ESRP2: variants seen among roughly 807,000 people sequenced by gnomAD.
The protein encoded by ESRP2 is epithelial splicing regulatory protein 2, also known as RNA binding motif protein 35A.
A neutral mutation model predicts 78.6 loss-of-function variants in ESRP2; 48 were observed. The observed-to-expected ratio is 0.61, with a 90% CI of 0.48 to 0.78. ESRP2 has a LOEUF of 0.78. ESRP2 is among the 30% of genes least tolerant of loss of function. The probability of loss-of-function intolerance (pLI) is 0.00; values close to 1 mark genes in which losing one functional copy is unlikely to be tolerated. For synonymous variants in ESRP2, 383 were observed against 406.7 expected (o/e 0.94, Z 0.70); for missense variants, 863 against 965.9 (o/e 0.89, Z 1.41).
In ESRP2 at chr16:68,232,218, A is replaced by C. The variant is rs2042151301; in HGVS notation, c.997+28T>G. On this transcript the variant is annotated intron_variant, in intron 9 of 14. Coordinates refer to ENST00000473183, the MANE Select transcript of ESRP2 (RefSeq NM_024939.3). The surrounding 1 kb of genome is among the most constrained non-coding windows in gnomAD (Gnocchi z 5.2). ...AGTGAAATGGATCAAGAACCAGGGG[A>C]GCCAGGCCCTGTTTGCAGTATACTC... 3 of 1,614,044 alleles carry C rather than the reference A, an allele frequency of 1.9e-6. No individual in the cohort carries two copies. The highest frequency in any genetic ancestry group is 2.7e-5 in the African/African-American group (2 of 74,994).
rs758595846 is a variant in ESRP2, at chr16:68,233,795, C to G, written c.529G>C (p.Asp177His). 6.2e-7 allele frequency: 1 copy of G among 1,613,990 alleles called. No homozygotes were observed. The highest frequency in any genetic ancestry group is 1.7e-5 in the Admixed American group (1 of 60,014). Reference protein sequence around the residue: ...MQHPSTCPARDLTVATMAQGL... With the variant: ...MQHPSTCPARHLTVATMAQGL... ...TGTGCCATGGTGGCCACAGTGAGGT[C>G]CCTGGCAGGGCAGGTGCTTGGATGC... is the stretch of plus-strand genomic sequence containing the variant. The change falls in exon 4 of 15, where the codon GAC (aspartate) becomes CAC (histidine). Residue 177 changes from aspartate (D) to histidine (H), a missense_variant. By Grantham distance (81) the Asp-to-His change is moderately conservative (BLOSUM62 -1). Transcript: ENST00000473183.
Position 68,235,763 on chromosome 16 carries a change from C to A in ESRP2, c.199-1G>T. ...CCAGCGATTTGTGCAGCGTCCCCAC[C>A]TGTGAGCGGCGGGGGAAACCGATCA... On this transcript the variant is annotated splice_acceptor_variant, in intron 1 of 14. Coordinates refer to ENST00000473183, the MANE Select transcript of ESRP2 (RefSeq NM_024939.3). LOFTEE classifies it high-confidence loss of function. This position sits in a 1 kb window ranked among gnomAD's most constrained non-coding sequence, Gnocchi z 5.5. 1 of 1,610,204 alleles carries A rather than the reference C, an allele frequency of 6.2e-7. No individual in the cohort carries two copies. The highest frequency in any genetic ancestry group is 8.5e-7 in the Non-Finnish European group (1 of 1,178,958).
chr16:68,235,136 G>A lies in ESRP2; in HGVS notation c.327+498C>T. On this transcript the variant is annotated intron_variant, in intron 2 of 14. Transcript: ENST00000473183. This position sits in a 1 kb window ranked among gnomAD's most constrained non-coding sequence, Gnocchi z 5.5. ...GACAGCGCCCACGCCTGGCCAGCCG[G>A]CCGGGACAGGCCTAGACGAGCAGTT... 1 of 991,438 alleles carries A rather than the reference G, an allele frequency of 1.0e-6. No homozygotes were observed. Among genetic ancestry groups the A allele is most frequent in the Non-Finnish European group, 1.2e-6 (1 of 833,590 alleles). 61.4% of individuals were successfully genotyped at this position (991,438 alleles called of 1,614,324 possible).
rs376539096 is a variant in ESRP2, at chr16:68,230,183, T to G, written c.*43A>C. The G allele has an allele frequency of 3.8e-6, 6 of 1,576,650 alleles. No homozygotes were observed. Among genetic ancestry groups the G allele is most frequent in the Non-Finnish European group, 5.2e-6 (6 of 1,146,230 alleles). ...TCTTCTGGACTCAGGAGAGACATGT[T>G]CGCCGAGGATATCAGCTGGCTCTTA... On this transcript the variant is annotated 3_prime_UTR_variant, in exon 15 of 15. Transcript: ENST00000473183.
Position 68,235,287 on chromosome 16 carries a change from G to A in ESRP2, c.327+347C>T, listed in dbSNP as rs1022265097. ...CTATATGGGCCCCTCGACCCCTTTCGCTTCCGGCTGCGGCTCAGGGAGACC... is the reference window on the plus strand; with the variant it reads ...CTATATGGGCCCCTCGACCCCTTTCACTTCCGGCTGCGGCTCAGGGAGACC... On this transcript the variant is annotated intron_variant, in intron 2 of 14. Coordinates refer to ENST00000473183, the MANE Select transcript of ESRP2 (RefSeq NM_024939.3). The surrounding 1 kb of genome is among the most constrained non-coding windows in gnomAD (Gnocchi z 5.5). 3.0e-6 allele frequency: 3 copies of A among 985,398 alleles called. No homozygotes were observed. In the East Asian group the frequency reaches 3.4e-4, roughly 112 times the overall value. 61.0% of individuals were successfully genotyped at this position (985,398 alleles called of 1,614,324 possible). A position where few individuals can be genotyped will look rare whatever the true frequency, so the allele number is the denominator to read the frequency against.
rs2042224074 is a variant in ESRP2, at chr16:68,236,063, G to T, written c.-18C>A. On this transcript the variant is annotated 5_prime_UTR_variant, in exon 1 of 15. Coordinates refer to ENST00000473183, the MANE Select transcript of ESRP2 (RefSeq NM_024939.3). This position sits in a 1 kb window ranked among gnomAD's most constrained non-coding sequence, Gnocchi z 5.2. ...GGAGTCATGGCCGCAGAGGAAGGGGGCTCTCGGCCAGACACGCGGACCGAC... is the reference window on the plus strand; with the variant it reads ...GGAGTCATGGCCGCAGAGGAAGGGGTCTCTCGGCCAGACACGCGGACCGAC... 10 of 1,410,612 alleles carry T rather than the reference G, an allele frequency of 7.1e-6. No homozygotes were observed. Among genetic ancestry groups the T allele is most frequent in the South Asian group, 4.7e-5 (3 of 63,822 alleles). The allele number at this position is 1,410,612 out of a possible 1,614,324, so 87.4% of individuals were successfully genotyped here.
chr16:68,233,043 AC>A, intron 5 of ESRP2: 1 of 634,694 alleles, frequency 1.6e-6, no homozygotes. Flanking sequence ...TACTAAAAAT[AC>A]AAAAATTAGG....
rs367821854 is a variant in ESRP2, at chr16:68,235,717, G to A, written c.244C>T (p.Leu82=). Residue 82 remains leucine, a synonymous_variant, in exon 2 of 15, where the codon CTG becomes TTG. Coordinates refer to ENST00000473183, the MANE Select transcript of ESRP2 (RefSeq NM_024939.3). This position sits in a 1 kb window ranked among gnomAD's most constrained non-coding sequence, Gnocchi z 5.5. ...CTCGCCTCGCGGCACTGCGTACTCAGTGCGGCCGCCTCGGCACGAACCAGC... is the reference window on the plus strand; with the variant it reads ...CTCGCCTCGCGGCACTGCGTACTCAATGCGGCCGCCTCGGCACGAACCAGC... ...KSLVRAEAAA[L]STQCREASGL... The A allele has an allele frequency of 2.7e-5, 43 of 1,604,960 alleles. No homozygotes were observed. Among genetic ancestry groups the A allele is most frequent in the Non-Finnish European group, 3.2e-5 (38 of 1,178,960 alleles).
Position 68,231,109 on chromosome 16 carries a change from A to G in ESRP2, c.1711+69T>C, listed in dbSNP as rs577951281. 5.5e-4 allele frequency: 875 copies of G among 1,604,396 alleles called. 5 individuals carry two copies. Among genetic ancestry groups the G allele is most frequent in the Middle Eastern group, 3.3e-3 (20 of 6,036 alleles). On this transcript the variant is annotated intron_variant, in intron 12 of 14. Coordinates refer to ENST00000473183, the MANE Select transcript of ESRP2 (RefSeq NM_024939.3). This position sits in a 1 kb window ranked among gnomAD's most constrained non-coding sequence, Gnocchi z 6.0. ...GTAGCCAGAAAGGAGTCCCCGCTAT[A>G]GAAGGTAGGGGCTTACAACAGCCTG...
chr16:68,230,540 G>A lies in ESRP2; in HGVS notation c.1913C>T (p.Pro638Leu). 1 of 1,571,762 alleles carries A rather than the reference G, an allele frequency of 6.4e-7. No homozygotes were observed. The stretch of plus-strand genomic sequence containing the variant: ...TGTAGTGAGGTAGCCCACAGTGGTG[G>A]GGGAGACTGGGGGGCTAGGGTGGGA... Reference protein sequence around the residue: ...TAYYPSPPVSPTTVGYLTTPT... With the variant: ...TAYYPSPPVSLTTVGYLTTPT... The change falls in exon 14 of 15, where the codon CCC becomes CTC. Residue 638 changes from proline to leucine, a missense_variant. By Grantham distance (98) the Pro-to-Leu change is moderately conservative. Transcript: ENST00000473183.
Position 68,233,983 on chromosome 16 carries a change from C to T in ESRP2, c.441+11G>A. On this transcript the variant is annotated intron_variant, in intron 3 of 14. Transcript: ENST00000473183. ...CACCCCACCCCACCCGGTTTTCCTT[C>T]AGGAGCATACCTTCCTGGAGGCCTC... 6.2e-7 allele frequency: 1 copy of T among 1,613,476 alleles called. No individual in the cohort carries two copies. Among genetic ancestry groups the T allele is most frequent in the Non-Finnish European group, 8.5e-7 (1 of 1,179,520 alleles).
chr16:68,230,074 G>T lies in ESRP2; in HGVS notation c.*152C>A. 1 of 677,440 alleles carries T rather than the reference G, an allele frequency of 1.5e-6. No homozygotes were observed. Among genetic ancestry groups the T allele is most frequent in the Non-Finnish European group, 2.6e-6 (1 of 384,778 alleles). 42.0% of individuals were successfully genotyped at this position (677,440 alleles called of 1,614,324 possible). On this transcript the variant is annotated 3_prime_UTR_variant, in exon 15 of 15. Coordinates refer to ENST00000473183, the MANE Select transcript of ESRP2 (RefSeq NM_024939.3). ...GGGGAAACAGGCAGAATAAGTGGAG[G>T]ATGGAGCTGGGGCTTGGGCTCCTCT...
Position 68,235,758 on chromosome 16 carries a change from C to G in ESRP2, c.203G>C (p.Gly68Ala). The G allele has an allele frequency of 6.2e-7, 1 of 1,609,892 alleles. No homozygotes were observed. The highest frequency in any genetic ancestry group is 8.5e-7 in the Non-Finnish European group (1 of 1,178,900). The change falls in exon 2 of 15, where the codon GGG becomes GCG. Residue 68 changes from glycine (G) to alanine (A), a missense_variant. By Grantham distance (60) the Gly-to-Ala change is moderately conservative. Coordinates refer to ENST00000473183, the MANE Select transcript of ESRP2 (RefSeq NM_024939.3). The surrounding 1 kb of genome is among the most constrained non-coding windows in gnomAD (Gnocchi z 5.5). The stretch of plus-strand genomic sequence containing the variant: ...ACGAACCAGCGATTTGTGCAGCGTC[C>G]CCACCTGTGAGCGGCGGGGGAAACC... ...QVVEPRSRQV[G>A]TLHKSLVRAE...
At position 68,232,477 on chromosome 16, in the gene ESRP2, G is replaced by A. The variant is rs2042156771; in HGVS notation, c.848C>T (p.Ala283Val). 1 of 1,614,074 alleles carries A rather than the reference G, an allele frequency of 6.2e-7. No homozygotes were observed. Among genetic ancestry groups the A allele is most frequent in the African/African-American group, 1.3e-5 (1 of 74,936 alleles). The change falls in exon 8 of 15, where the codon GCC (alanine) becomes GTC (valine). Residue 283 changes from alanine (A) to valine (V), a missense_variant. Physicochemically the swap from Ala to Val is moderately conservative, Grantham distance 64. Transcript: ENST00000473183. The surrounding 1 kb of genome is among the most constrained non-coding windows in gnomAD (Gnocchi z 5.2). Reference protein sequence around the residue: ...ARGGVALCLNAQGRRNGEALI... With the variant: ...ARGGVALCLNVQGRRNGEALI... Reference sequence around the variant, plus strand: ...GGCCTCGCCATTTCTGCGGCCCTGGGCGTTGAGGCAGAGTGCTACACCACC... The same window carrying A: ...GGCCTCGCCATTTCTGCGGCCCTGGACGTTGAGGCAGAGTGCTACACCACC...
In ESRP2 at chr16:68,235,510, C is replaced by G; in HGVS notation, c.327+124G>C. ...CGCGAGAGTCGCTCAAAGTTTCAAA[C>G]AAGAGCCCAGTCCTGCCGCCTGGAC... On this transcript the variant is annotated intron_variant, in intron 2 of 14. Transcript: ENST00000473183. This position sits in a 1 kb window ranked among gnomAD's most constrained non-coding sequence, Gnocchi z 5.5. 6.8e-7 allele frequency: 1 copy of G among 1,464,120 alleles called. No individual in the cohort carries two copies. Among genetic ancestry groups the G allele is most frequent in the Non-Finnish European group, 9.0e-7 (1 of 1,114,996 alleles). 90.7% of individuals were successfully genotyped at this position (1,464,120 alleles called of 1,614,324 possible). A position where few individuals can be genotyped will look rare whatever the true frequency, so the allele number is the denominator to read the frequency against.
At chr16:68,233,642 C>T in intron 4 of ESRP2, 126 bp downstream of exon 4, 3 of 777,464 alleles carry the variant, frequency 3.9e-6, no homozygotes, top group South Asian at 3.1e-5. Context: ...AGACACAGTA[C>T]ACTCAGGGAC....
Position 68,231,419 on chromosome 16 carries a change from G to A in ESRP2, c.1513-43C>T. On this transcript the variant is annotated intron_variant, in intron 11 of 14. Coordinates refer to ENST00000473183, the MANE Select transcript of ESRP2 (RefSeq NM_024939.3). This position sits in a 1 kb window ranked among gnomAD's most constrained non-coding sequence, Gnocchi z 6.0. Reference sequence around the variant, plus strand: ...TGAGCAGTTTGTCATGTGTAAGAGTGCCTTACCCCTAACACACACCCCTTC... The same window carrying A: ...TGAGCAGTTTGTCATGTGTAAGAGTACCTTACCCCTAACACACACCCCTTC... 2 of 1,613,094 alleles carry A rather than the reference G, an allele frequency of 1.2e-6. No homozygotes were observed. The highest frequency in any genetic ancestry group is 8.5e-7 in the Non-Finnish European group (1 of 1,179,188).
chr16:68,234,476 C>CA (rs2151195984), intron 2 of ESRP2: 1 of 183,254 alleles, frequency 5.5e-6, no homozygotes, highest in Admixed American at 6.0e-5. Context: ...GTACCACCCT[C>CA]AGACAGGTGG....
In ESRP2 at chr16:68,232,069, C is replaced by A; in HGVS notation, c.1032G>T (p.Arg344=). The change falls in exon 10 of 15, where the codon CGG becomes CGT. Residue 344 remains arginine, a synonymous_variant. Coordinates refer to ENST00000473183, the MANE Select transcript of ESRP2 (RefSeq NM_024939.3). This position sits in a 1 kb window ranked among gnomAD's most constrained non-coding sequence, Gnocchi z 5.2. ...GCAGCCGCAGGATCACTTGGTCTTC[C>A]CGTGACAAGAAACGAGCCACCTCTA... The part of the protein sequence containing the change: ...TSLEVARFLS[R]EDQVILRLRG... 6.2e-7 allele frequency: 1 copy of A among 1,613,564 alleles called. No individual in the cohort carries two copies. The highest frequency in any genetic ancestry group is 8.5e-7 in the Non-Finnish European group (1 of 1,179,690).
Sources: gnomAD v4.1 joint callset for allele counts on GRCh38, gnomAD v4.1.1 for gene constraint, Gnocchi (gnomAD v3.1) non-coding constraint, MANE v1.5 for transcripts, NCBI Gene and HGNC (gene_info 2026-07-23, HGNC 2026-07-21) for gene names.